BNC2: variants seen among roughly 807,000 people sequenced by gnomAD.
The protein encoded by BNC2 is zinc finger protein basonuclin-2.
BNC2 carries 20 observed loss-of-function variants against 76.3 expected under a neutral mutation model. The observed-to-expected ratio is 0.26, with a 90% confidence interval of 0.18 to 0.38. BNC2 has a LOEUF of 0.38. BNC2 is among the 10% of genes least tolerant of loss of function. The pLI is 1.00. For missense variants in BNC2, 1,382 were observed against 1,399.8 expected (o/e 0.99, Z 0.20); for synonymous variants, 582 against 514.8 (o/e 1.13, Z -1.77).
At chr9:16,813,108 G>T (rs1371816887) in intron 1 of BNC2, among the ~76,000 whole-genome samples, 1 of 152,036 alleles carries the variant, frequency 6.6e-6, no homozygotes, top group Non-Finnish European at 1.5e-5. Flanking sequence ...TGAGGCAGGA[G>T]AATCACTGGA....
At chr9:16,741,112 G>T (rs1384587889) in intron 1 of BNC2, among the ~76,000 whole-genome samples, 4 of 152,056 alleles carry the variant, frequency 2.6e-5, no homozygotes, top group South Asian at 2.1e-4. Context: ...ATCTGCTAAG[G>T]GAGACATGAT....
At chr9:16,761,387 A>T (rs1004676651) in intron 1 of BNC2, among the ~76,000 whole-genome samples, 2 of 152,352 alleles carry the variant, frequency 1.3e-5, no homozygotes, top group Admixed American at 1.3e-4. Flanking sequence ...TGAAAAACTA[A>T]TATTATACCT....
chr9:16,589,721 G>T (rs898390556), intron 3 of BNC2, among the ~76,000 whole-genome samples: 26 of 151,742 alleles, frequency 1.7e-4, no homozygotes, highest in Non-Finnish European at 2.1e-4. Flanking sequence ...TGTTGGTCAG[G>T]CTGGTCTCAA....
At chr9:16,838,664 T>A (rs1452652553) in intron 1 of BNC2, among the ~76,000 whole-genome samples, 2 of 152,236 alleles carry the variant, frequency 1.3e-5, no homozygotes, top group Admixed American at 6.5e-5. Context: ...ACATATGAAC[T>A]GCATAATGGT....
intron 1 of BNC2, among the ~76,000 whole-genome samples, chr9:16,796,951 G>A (rs1055464726): frequency 3.9e-5 from 6 of 152,136 alleles, no homozygotes. Flanking sequence ...TAGCAAAAGT[G>A]GGGCTTCTAC....
At chr9:16,459,726 A>G (rs1444330610) in intron 5 of BNC2, among the ~76,000 whole-genome samples, 1 of 152,210 alleles carries the variant, frequency 6.6e-6, no homozygotes, top group Admixed American at 6.5e-5. Context: ...GAGAGAACAA[A>G]GATGTCCCAA....
At chr9:16,460,341 G>A (rs2131218128) in intron 5 of BNC2, among the ~76,000 whole-genome samples, 1 of 151,350 alleles carries the variant, frequency 6.6e-6, no homozygotes, top group African/African-American at 2.4e-5. Flanking sequence ...AACAAAATAA[G>A]GCCGGGCACA....
At chr9:16,845,653 G>A (rs865963181) in intron 1 of BNC2, among the ~76,000 whole-genome samples, 24 of 152,046 alleles carry the variant, frequency 1.6e-4, no homozygotes, top group African/African-American at 4.3e-4. Context: ...CTTGAGAGGC[G>A]GAGCTTGCAG....
intron 3 of BNC2, among the ~76,000 whole-genome samples, chr9:16,679,023 G>C (rs1047780110): frequency 9.9e-5 from 15 of 152,130 alleles, no homozygotes; most frequent in African/African-American, 3.6e-4. Flanking sequence ...GGCTCTCACA[G>C]GAACATTCGT....
intron 5 of BNC2, among the ~76,000 whole-genome samples, chr9:16,464,052 C>T (rs148099185): frequency 8.8e-5 from 12 of 137,052 alleles, no homozygotes; most frequent in African/African-American, 3.1e-4. Flanking sequence ...CAAGATTGTG[C>T]TACCGAACTC....
At chr9:16,715,767 C>T (rs972725466) in intron 3 of BNC2, among the ~76,000 whole-genome samples, 1 of 152,162 alleles carries the variant, frequency 6.6e-6, no homozygotes, top group Non-Finnish European at 1.5e-5. Context: ...ACTCACTCTA[C>T]TTGTTTTAAT....
chr9:16,834,525 C>T (rs1054386642), intron 1 of BNC2, among the ~76,000 whole-genome samples: 3 of 152,206 alleles, frequency 2.0e-5, no homozygotes, highest in Non-Finnish European at 2.9e-5. Flanking sequence ...CCACTACCTT[C>T]TCTATGCCCA....
intron 1 of BNC2, among the ~76,000 whole-genome samples, chr9:16,865,840 G>A (rs1166585125): frequency 6.6e-6 from 1 of 152,094 alleles, no homozygotes; most frequent in Admixed American, 6.5e-5. Flanking sequence ...ATATGGGTTC[G>A]TAACAAATGG....
At chr9:16,741,444 A>C in intron 1 of BNC2, among the ~76,000 whole-genome samples, 1 of 149,318 alleles carries the variant, frequency 6.7e-6, no homozygotes, top group Non-Finnish European at 1.5e-5. Flanking sequence ...CAACAGCGAA[A>C]CTCCATTTCA....
At chr9:16,440,589 T>C (rs931850813) in intron 5 of BNC2, among the ~76,000 whole-genome samples, 3 of 152,202 alleles carry the variant, frequency 2.0e-5, no homozygotes, top group Non-Finnish European at 4.4e-5. Context: ...GGCATTAAAA[T>C]GCACCTCAGA....
intron 4 of BNC2, among the ~76,000 whole-genome samples, chr9:16,555,682 C>T (rs1000650150): frequency 2.0e-5 from 3 of 152,072 alleles, no homozygotes; most frequent in Non-Finnish European, 4.4e-5. Context: ...GTGGTCCCAG[C>T]TACTCGGGAT....
chr9:16,468,195 C>G (rs1199321787), intron 5 of BNC2, among the ~76,000 whole-genome samples: 1 of 151,764 alleles, frequency 6.6e-6, no homozygotes, highest in Middle Eastern at 3.2e-3. Flanking sequence ...CATGAGCCAC[C>G]ATGCCTGGCC....
chr9:16,577,368 A>C lies in BNC2; in HGVS notation c.433+5615T>G, dbSNP rs2132963113. On this transcript the variant is annotated intron_variant, in intron 4 of 6. Coordinates refer to ENST00000380672, the MANE Select transcript of BNC2 (RefSeq NM_017637.6). Reference sequence around the variant, plus strand: ...AAAAGAAAAATTATATCCAGTGAATACAAAAAAAAAGGTTTGAAATTAATG... The same window carrying C: ...AAAAGAAAAATTATATCCAGTGAATCCAAAAAAAAAGGTTTGAAATTAATG... 2.6e-5 allele frequency among the ~76,000 whole-genome samples: 4 copies of C among 152,212 alleles called. No homozygotes were observed. The South Asian group carries it at 8.3e-4, about 32-fold the overall frequency.
At chr9:16,764,578 G>A (rs1198657954) in intron 1 of BNC2, among the ~76,000 whole-genome samples, 3 of 152,070 alleles carry the variant, frequency 2.0e-5, no homozygotes, top group Non-Finnish European at 4.4e-5. Flanking sequence ...AATTTCATTG[G>A]CCCTTTTACA....
Sources: gnomAD v4.1 joint callset for allele counts (sites outside exome capture counted in the v4.1 genomes callset) on GRCh38, gnomAD v4.1.1 for gene constraint, MANE v1.5 for transcripts, NCBI Gene and HGNC (gene_info 2026-07-23, HGNC 2026-07-21) for gene names.